Variants in MAFK observed in about 807,000 individuals in gnomAD.
MAFK encodes the protein MAF bZIP transcription factor K.
In MAFK, 1 loss-of-function variant was observed where a neutral mutation model predicts 9.2. The ratio of observed to expected loss-of-function variants is 0.11; its 90% confidence interval spans 0.04 to 0.52. The LOEUF is 0.52. Ranked by LOEUF, MAFK falls within the 20% of genes least tolerant of loss-of-function variation. MAFK has a pLI of 0.94. For missense variants in MAFK, 207 were observed against 236.0 expected, an observed-to-expected ratio of 0.88 and a Z score of 0.81; for synonymous variants, 110 against 107.4, an observed-to-expected ratio of 1.02 and a Z score of -0.15.
chr7:1,540,577 T>A lies in MAFK; in HGVS notation c.*202T>A. 3.4e-6 allele frequency: 2 copies of A among 580,808 alleles called. No homozygotes were observed. The highest frequency in any genetic ancestry group is 3.5e-5 in the Admixed American group (1 of 28,562). The allele number at this position is 580,808 out of a possible 1,614,324, so 36.0% of individuals were successfully genotyped here. ...CCGTGGGCCCAGAGCTGCACGCCGG[T>A]CCACAGACACACTCACGCCCGCCAC... On this transcript the variant is annotated 3_prime_UTR_variant, in exon 3 of 3. Coordinates refer to ENST00000343242, the MANE Select transcript of MAFK (RefSeq NM_002360.4).
At chr7:1,533,288 C>T (rs1013657422) in intron 1 of MAFK, among the ~76,000 whole-genome samples, 2 of 152,174 alleles carry the variant, frequency 1.3e-5, no homozygotes, top group South Asian at 2.1e-4. Context: ...CCCTCCCATG[C>T]GGGGCCGGCT....
At chr7:1,531,340 G>C (rs1735994091) in intron 1 of MAFK, among the ~76,000 whole-genome samples, 1 of 151,992 alleles carries the variant, frequency 6.6e-6, no homozygotes, top group Non-Finnish European at 1.5e-5. Context: ...TTCCGCCCCA[G>C]CGTGGCTTCC....
At position 1,537,474 on chromosome 7, in the gene MAFK, C is replaced by T. The variant is rs910205800; in HGVS notation, c.-44-1675C>T. 14 of 985,476 alleles carry T rather than the reference C, an allele frequency of 1.4e-5. No homozygotes were observed. In the African/African-American group the frequency reaches 2.3e-4, roughly 16 times the overall value. 61.0% of individuals were successfully genotyped at this position (985,476 alleles called of 1,614,324 possible). ...CATGGAAAAGTTTCTCATGGTGCTC[C>T]CAGCCGCCGGCATTTGCAGGTCCCC... On this transcript the variant is annotated intron_variant, in intron 1 of 2. Transcript: ENST00000343242.
rs1005251010 is a variant in MAFK, at chr7:1,534,790, G to A, written c.-45+3892G>A. 8.4e-5 allele frequency: 31 copies of A among 368,934 alleles called. No individual in the cohort carries two copies. Among genetic ancestry groups the A allele is most frequent in the African/African-American group, 6.5e-4 (31 of 47,550 alleles). The allele number at this position is 368,934 out of a possible 1,614,324, so 22.9% of individuals were successfully genotyped here. ...GCAGCCCCGATGCGTCCTCTCATCT[G>A]GGAAGAATCAGAGCCCCAAAGCTGA... On this transcript the variant is annotated intron_variant, in intron 1 of 2. Coordinates refer to ENST00000343242, the MANE Select transcript of MAFK (RefSeq NM_002360.4). The surrounding 1 kb of genome is among the most constrained non-coding windows in gnomAD (Gnocchi z 4.3).
Position 1,534,605 on chromosome 7 carries a change from C to T in MAFK, c.-45+3707C>T, listed in dbSNP as rs775532689. 7.0e-5 allele frequency: 32 copies of T among 456,164 alleles called. No homozygotes were observed. In the East Asian group the frequency reaches 1.5e-3, roughly 22 times the overall value. The allele number at this position is 456,164 out of a possible 1,614,324, so 28.3% of individuals were successfully genotyped here. On this transcript the variant is annotated intron_variant, in intron 1 of 2. Transcript: ENST00000343242. This position sits in a 1 kb window ranked among gnomAD's most constrained non-coding sequence, Gnocchi z 4.3. ...CTCCCTCTCCCGCATCCCACATCCT[C>T]GGAGACCCGCGGAGAATAGAAGTGG...
chr7:1,533,111 C>T (rs1583196106), intron 1 of MAFK, among the ~76,000 whole-genome samples: 1 of 152,364 alleles, frequency 6.6e-6, no homozygotes. Context: ...TGAGTGGCCA[C>T]ATGCCCCACC....
intron 1 of MAFK, among the ~76,000 whole-genome samples, chr7:1,533,178 C>T (rs1583196176): frequency 6.6e-6 from 1 of 152,320 alleles, no homozygotes; most frequent in East Asian, 1.9e-4. Context: ...CTGGCCTGTC[C>T]CACAGGCCGG....
In MAFK at chr7:1,540,554, G is replaced by A. The variant is rs931933600; in HGVS notation, c.*179G>A. 3.6e-5 allele frequency: 24 copies of A among 666,168 alleles called. No homozygotes were observed. The highest frequency in any genetic ancestry group is 5.9e-5 in the Non-Finnish European group (24 of 406,954). 41.3% of individuals were successfully genotyped at this position (666,168 alleles called of 1,614,324 possible). A position where few individuals can be genotyped will look rare whatever the true frequency, so the allele number is the denominator to read the frequency against. ...ATTGCAGGGTGAAGAGTGGGCTCCC[G>A]TGGGCCCAGAGCTGCACGCCGGTCC... On this transcript the variant is annotated 3_prime_UTR_variant, in exon 3 of 3. Coordinates refer to ENST00000343242, the MANE Select transcript of MAFK (RefSeq NM_002360.4).
In MAFK at chr7:1,532,960, G is replaced by T. The variant is rs930488807; in HGVS notation, c.-45+2062G>T. 1.3e-5 allele frequency among the ~76,000 whole-genome samples: 2 copies of T among 152,174 alleles called. No individual in the cohort carries two copies. Among genetic ancestry groups the T allele is most frequent in the Non-Finnish European group, 2.9e-5 (2 of 68,032 alleles). ...CGTCCCCACCCTCCCTGCTCTCCGC[G>T]AATGGAAGATGCCTTTCCCCGCTAT... is the stretch of plus-strand genomic sequence containing the variant. On this transcript the variant is annotated intron_variant, in intron 1 of 2. Coordinates refer to ENST00000343242, the MANE Select transcript of MAFK (RefSeq NM_002360.4). The surrounding 1 kb of genome is among the most constrained non-coding windows in gnomAD (Gnocchi z 4.5).
intron 1 of MAFK, among the ~76,000 whole-genome samples, chr7:1,531,984 C>T (rs957366100): frequency 6.6e-6 from 1 of 152,218 alleles, no homozygotes; most frequent in Non-Finnish European, 1.5e-5. Context: ...CCAGGTGACC[C>T]ACAGGCAGCC....
rs1215261827 is a variant in MAFK at position 1,540,002 on chromosome 7, C to T, written c.98C>T (p.Ser33Leu). 1.9e-6 allele frequency: 3 copies of T among 1,557,426 alleles called. No individual in the cohort carries two copies. Among genetic ancestry groups the T allele is most frequent in the East Asian group, 2.4e-5 (1 of 41,534 alleles). Residue 33 changes from serine to leucine, a missense_variant, in exon 3 of 3, where the codon TCG becomes TTG. Physicochemically the swap from Ser to Leu is moderately radical, Grantham distance 145. Coordinates refer to ENST00000343242, the MANE Select transcript of MAFK (RefSeq NM_002360.4). ...AGCGATGATGAGCTGGTGTCCATGT[C>T]GGTGCGGGAGCTGAACCAGCACCTG... ...VLSDDELVSM[S>L]VRELNQHLRG...
Position 1,532,374 on chromosome 7 carries a change from C to T in MAFK, c.-45+1476C>T, listed in dbSNP as rs1783925267. On this transcript the variant is annotated intron_variant, in intron 1 of 2. Transcript: ENST00000343242. The surrounding 1 kb of genome is among the most constrained non-coding windows in gnomAD (Gnocchi z 4.5). ...CAGTGCCATTTATGAGAACATCTCCCTTTCTTAGGTAACCCAGTAGGAATG... is the reference window on the plus strand; with the variant it reads ...CAGTGCCATTTATGAGAACATCTCCTTTTCTTAGGTAACCCAGTAGGAATG... Among the ~76,000 whole-genome samples the T allele has an allele frequency of 1.3e-5, 2 of 152,230 alleles. No individual in the cohort carries two copies. Among genetic ancestry groups the T allele is most frequent in the South Asian group, 4.1e-4 (2 of 4,830 alleles).
chr7:1,531,513 G>C (rs907484543), intron 1 of MAFK, among the ~76,000 whole-genome samples: 12 of 152,206 alleles, frequency 7.9e-5, no homozygotes, highest in Non-Finnish European at 1.5e-5. Context: ...CACCTGCCAG[G>C]GTTGCTGGAA....
rs988795721 is a variant in MAFK, at chr7:1,534,862, G to T, written c.-45+3964G>T. On this transcript the variant is annotated intron_variant, in intron 1 of 2. Coordinates refer to ENST00000343242, the MANE Select transcript of MAFK (RefSeq NM_002360.4). The surrounding 1 kb of genome is among the most constrained non-coding windows in gnomAD (Gnocchi z 4.3). ...ATCCACAGCCGGGACCGTTCAGAGG[G>T]GTCATCCAGCCGTCAGCTGCTCAAC... 16 of 315,220 alleles carry T rather than the reference G, an allele frequency of 5.1e-5. No homozygotes were observed. Among genetic ancestry groups the T allele is most frequent in the African/African-American group, 3.0e-4 (14 of 45,962 alleles). The allele number at this position is 315,220 out of a possible 1,614,324, so 19.5% of individuals were successfully genotyped here.
Position 1,534,612 on chromosome 7 carries a change from C to T in MAFK, c.-45+3714C>T, listed in dbSNP as rs1190498932. 4.4e-6 allele frequency: 2 copies of T among 456,052 alleles called. No homozygotes were observed. Among genetic ancestry groups the T allele is most frequent in the Non-Finnish European group, 4.4e-6 (1 of 226,828 alleles). The allele number at this position is 456,052 out of a possible 1,614,324, so 28.3% of individuals were successfully genotyped here. On this transcript the variant is annotated intron_variant, in intron 1 of 2. Coordinates refer to ENST00000343242, the MANE Select transcript of MAFK (RefSeq NM_002360.4). The surrounding 1 kb of genome is among the most constrained non-coding windows in gnomAD (Gnocchi z 4.3). ...TCCCGCATCCCACATCCTCGGAGAC[C>T]CGCGGAGAATAGAAGTGGAAGGGCC...
In MAFK at chr7:1,534,243, A is replaced by T. The variant is rs551182635; in HGVS notation, c.-45+3345A>T. 22 of 455,538 alleles carry T rather than the reference A, an allele frequency of 4.8e-5. No individual in the cohort carries two copies. The Admixed American group carries it at 5.2e-4, about 11-fold the overall frequency. 28.2% of individuals were successfully genotyped at this position (455,538 alleles called of 1,614,324 possible). A position where few individuals can be genotyped will look rare whatever the true frequency, so the allele number is the denominator to read the frequency against. ...CCTCGCAGTGTAGGACCTCATCCTC[A>T]GTAGGAAGGGTGTCTGGCTGGTCTC... On this transcript the variant is annotated intron_variant, in intron 1 of 2. Transcript: ENST00000343242. The surrounding 1 kb of genome is among the most constrained non-coding windows in gnomAD (Gnocchi z 4.3).
In MAFK at chr7:1,534,753, G is replaced by A. The variant is rs549158808; in HGVS notation, c.-45+3855G>A. 3.7e-3 allele frequency: 1,519 copies of A among 416,096 alleles called. 34 individuals carry two copies. Among genetic ancestry groups the A allele is most frequent in the South Asian group, 0.024 (1,446 of 60,816 alleles). 25.8% of individuals were successfully genotyped at this position (416,096 alleles called of 1,614,324 possible). A position where few individuals can be genotyped will look rare whatever the true frequency, so the allele number is the denominator to read the frequency against. ...CATCCAGAGCCCCCATGCTGGCCTC[G>A]TAGAGCGAGCGGCAGCCCCGATGCG... On this transcript the variant is annotated intron_variant, in intron 1 of 2. Coordinates refer to ENST00000343242, the MANE Select transcript of MAFK (RefSeq NM_002360.4). This position sits in a 1 kb window ranked among gnomAD's most constrained non-coding sequence, Gnocchi z 4.3.
chr7:1,535,085 CTTTT>C (rs59057812), intron 1 of MAFK, among the ~76,000 whole-genome samples: 2 of 111,936 alleles, frequency 1.8e-5, no homozygotes, highest in African/African-American at 3.6e-5. Flanking sequence ...ATTTAAAATT[CTTTT>C]TTTTTTTTTT....
At chr7:1,536,451 C>T (rs921158428) in intron 1 of MAFK, among the ~76,000 whole-genome samples, 2 of 152,184 alleles carry the variant, frequency 1.3e-5, no homozygotes, top group Non-Finnish European at 2.9e-5. Flanking sequence ...GGCGTCTCTG[C>T]GACCCCAGGC....
Sources: gnomAD v4.1 joint callset for allele counts (sites outside exome capture counted in the v4.1 genomes callset) on GRCh38, gnomAD v4.1.1 for gene constraint, Gnocchi (gnomAD v3.1) non-coding constraint, MANE v1.5 for transcripts, NCBI Gene and HGNC (gene_info 2026-07-23, HGNC 2026-07-21) for gene names.